Variants in ZFHX2 observed in about 807,000 individuals in gnomAD.
The protein encoded by ZFHX2 is zinc finger homeobox protein 2.
A neutral mutation model predicts 164.8 loss-of-function variants in ZFHX2; 75 were observed. The ratio of observed to expected loss-of-function variants is 0.46; its 90% confidence interval spans 0.38 to 0.55. ZFHX2 has a LOEUF of 0.55. Ranked by LOEUF, ZFHX2 falls within the 20% of genes least tolerant of loss-of-function variation. The pLI is 0.00. For synonymous variants in ZFHX2, 1,217 were observed against 1,351.4 expected (o/e 0.90, Z 2.18); for missense variants, 2,933 against 3,308.0 (o/e 0.89, Z 2.78).
At chr14:23,542,115 A>G (rs1250564093) in intron 1 of ZFHX2, 2 of 152,412 alleles carry the variant, frequency 1.3e-5, no homozygotes, top group Non-Finnish European at 2.9e-5. Context: ...GTGAAGAGGA[A>G]GATGAAGCTA....
Position 23,532,619 on chromosome 14 carries a change from A to G in ZFHX2, c.2507T>C (p.Met836Thr), listed in dbSNP as rs929091430. Reference sequence around the variant, plus strand: ...GGCTGCACCCCTGGCATGCAGCTGCATCTTCTCCTTGCTGTTGGACTCAAA... The same window carrying G: ...GGCTGCACCCCTGGCATGCAGCTGCGTCTTCTCCTTGCTGTTGGACTCAAA... ...CDFESNSKEKMQLHARGAAHE... is the reference protein window; with the variant it reads ...CDFESNSKEKTQLHARGAAHE... The change falls in exon 3 of 10, where the codon ATG (methionine) becomes ACG (threonine). Residue 836 changes from methionine (M) to threonine (T), a missense_variant. By Grantham distance (81) the Met-to-Thr change is moderately conservative (BLOSUM62 -1). Coordinates refer to ENST00000419474, the MANE Select transcript of ZFHX2 (RefSeq NM_033400.3). 3 of 1,460,352 alleles carry G rather than the reference A, an allele frequency of 2.1e-6. No individual in the cohort carries two copies. The highest frequency in any genetic ancestry group is 2.7e-6 in the Non-Finnish European group (3 of 1,108,140). The allele number at this position is 1,460,352 out of a possible 1,614,324, so 90.5% of individuals were successfully genotyped here. A position where few individuals can be genotyped will look rare whatever the true frequency, so the allele number is the denominator to read the frequency against.
At position 23,523,365 on chromosome 14, in the gene ZFHX2, G is replaced by C. The variant is rs1276987196; in HGVS notation, c.6577C>G (p.Pro2193Ala). 1.4e-6 allele frequency: 2 copies of C among 1,476,266 alleles called. No individual in the cohort carries two copies. The highest frequency in any genetic ancestry group is 1.8e-6 in the Non-Finnish European group (2 of 1,115,844). 91.4% of individuals were successfully genotyped at this position (1,476,266 alleles called of 1,614,324 possible). ...KSESKCYDLA[P>A]APEAPPALKA... Reference sequence around the variant, plus strand: ...AGAGCTGGGGGAGCCTCAGGTGCTGGGGCCAAGTCGTAGCACTTGCTTTCA... The same window carrying C: ...AGAGCTGGGGGAGCCTCAGGTGCTGCGGCCAAGTCGTAGCACTTGCTTTCA... The change falls in exon 9 of 10, where the codon CCA (proline) becomes GCA (alanine). Residue 2193 changes from proline to alanine, a missense_variant. By Grantham distance (27) the Pro-to-Ala change is conservative (BLOSUM62 -1). Coordinates refer to ENST00000419474, the MANE Select transcript of ZFHX2 (RefSeq NM_033400.3). This position sits in a 1 kb window ranked among gnomAD's most constrained non-coding sequence, Gnocchi z 4.1.
At position 23,527,594 on chromosome 14, in the gene ZFHX2, C is replaced by T; in HGVS notation, c.3135+10G>A. The stretch of plus-strand genomic sequence containing the variant: ...TCTTGTTGTACCGTCCTCACCCAGC[C>T]TGTACTCACTACAAGCAGCAGCTTC... On this transcript the variant is annotated intron_variant, in intron 7 of 9. Coordinates refer to ENST00000419474, the MANE Select transcript of ZFHX2 (RefSeq NM_033400.3). 3 of 1,536,692 alleles carry T rather than the reference C, an allele frequency of 2.0e-6. No individual in the cohort carries two copies. The highest frequency in any genetic ancestry group is 2.6e-6 in the Non-Finnish European group (3 of 1,146,976).
rs1435002016 is a variant in ZFHX2, at chr14:23,526,405, A to G, written c.3537T>C (p.Phe1179=). ...CAGGGTCGAGAAACTTGTCCAGGGC[A>G]AAGTTGGTGGTTTTCCGATAGGTCA... ...HPLTYRKTTN[F]ALDKFLDPAR... Residue 1179 remains phenylalanine, a synonymous_variant, in exon 9 of 10, where the codon TTT becomes TTC. Coordinates refer to ENST00000419474, the MANE Select transcript of ZFHX2 (RefSeq NM_033400.3). The G allele has an allele frequency of 6.5e-7, 1 of 1,536,294 alleles. No homozygotes were observed. The highest frequency in any genetic ancestry group is 2.0e-5 in the Admixed American group (1 of 50,998).
At position 23,533,621 on chromosome 14, in the gene ZFHX2, A is replaced by G; in HGVS notation, c.1705T>C (p.Trp569Arg). The G allele has an allele frequency of 6.5e-7, 1 of 1,536,874 alleles. No homozygotes were observed. Among genetic ancestry groups the G allele is most frequent in the Non-Finnish European group, 8.7e-7 (1 of 1,147,050 alleles). Residue 569 changes from tryptophan to arginine, a missense_variant, in exon 2 of 10, where the codon TGG becomes CGG. Physicochemically the swap from Trp to Arg is moderately radical, Grantham distance 101 (BLOSUM62 -3). Coordinates refer to ENST00000419474, the MANE Select transcript of ZFHX2 (RefSeq NM_033400.3). The surrounding 1 kb of genome is among the most constrained non-coding windows in gnomAD (Gnocchi z 4.8). ...GDKEPKTKSS[W>R]QCKVCSYETN... ...TCGTAGCTGCACACCTTGCACTGCCAGGATGATTTGGTCTTAGGCTCTTTG... is the reference window on the plus strand; with the variant it reads ...TCGTAGCTGCACACCTTGCACTGCCGGGATGATTTGGTCTTAGGCTCTTTG...
Position 23,523,513 on chromosome 14 carries a change from G to A in ZFHX2, c.6429C>T (p.Ala2143=). The part of the protein sequence containing the change: ...TGGSSEGLLA[A]QRTDCPYCDV... Reference sequence around the variant, plus strand: ...CACAATAGGGGCAGTCAGTGCGCTGGGCTGCTAAGAGGCCCTCACTGCTGC... The same window carrying A: ...CACAATAGGGGCAGTCAGTGCGCTGAGCTGCTAAGAGGCCCTCACTGCTGC... Residue 2143 remains alanine (A), a synonymous_variant, in exon 9 of 10, where the codon GCC becomes GCT. Coordinates refer to ENST00000419474, the MANE Select transcript of ZFHX2 (RefSeq NM_033400.3). The surrounding 1 kb of genome is among the most constrained non-coding windows in gnomAD (Gnocchi z 4.1). 6.5e-7 allele frequency: 1 copy of A among 1,536,410 alleles called. No individual in the cohort carries two copies. Among genetic ancestry groups the A allele is most frequent in the Non-Finnish European group, 8.7e-7 (1 of 1,146,924 alleles).
chr14:23,524,203 C>T lies in ZFHX2; in HGVS notation c.5739G>A (p.Arg1913=), dbSNP rs1396407244. The change falls in exon 9 of 10, where the codon AGG becomes AGA. Residue 1913 remains arginine (R), a synonymous_variant. Transcript: ENST00000419474. This position sits in a 1 kb window ranked among gnomAD's most constrained non-coding sequence, Gnocchi z 5.6. The stretch of plus-strand genomic sequence containing the variant: ...CAGGGGTGCTTCGAAACTGGCCTTT[C>T]CTCTCCCGGGCCCTGGTATTCTGGA... ...VWFQNTRARE[R]KGQFRSTPGG... 6.5e-7 allele frequency: 1 copy of T among 1,536,312 alleles called. No individual in the cohort carries two copies. Among genetic ancestry groups the T allele is most frequent in the African/African-American group, 1.4e-5 (1 of 73,028 alleles).
At position 23,534,432 on chromosome 14, in the gene ZFHX2, AG is replaced by A. The variant is rs1879935511; in HGVS notation, c.893del (p.Ala298ValfsTer15). ...CAAGGGGTATGTCAGAAGAGGGGCG[AG>A]CAGGGAGTTTTGGCTCCAGAAAGCT... ...LISFLEPKLP[A>X]RPSSDIPLDN... On this transcript the variant is annotated frameshift_variant, in exon 2 of 10. Transcript: ENST00000419474. LOFTEE classifies it high-confidence loss of function. This position sits in a 1 kb window ranked among gnomAD's most constrained non-coding sequence, Gnocchi z 4.5. 6.5e-7 allele frequency: 1 copy of A among 1,536,506 alleles called. No homozygotes were observed. Among genetic ancestry groups the A allele is most frequent in the African/African-American group, 1.4e-5 (1 of 73,020 alleles).
Position 23,526,988 on chromosome 14 carries a change from A to G in ZFHX2, c.3136-15T>C. Reference sequence around the variant, plus strand: ...ACAGTTGTAGCCTGCAATGAGAAAAAGCCTAGTGGCTTCACCACCACCCCC... The same window carrying G: ...ACAGTTGTAGCCTGCAATGAGAAAAGGCCTAGTGGCTTCACCACCACCCCC... On this transcript the variant is annotated splice_polypyrimidine_tract_variant and intron_variant, in intron 7 of 9. Coordinates refer to ENST00000419474, the MANE Select transcript of ZFHX2 (RefSeq NM_033400.3). 2 of 1,492,060 alleles carry G rather than the reference A, an allele frequency of 1.3e-6. No individual in the cohort carries two copies. Among genetic ancestry groups the G allele is most frequent in the Non-Finnish European group, 8.9e-7 (1 of 1,126,370 alleles). The allele number at this position is 1,492,060 out of a possible 1,614,324, so 92.4% of individuals were successfully genotyped here. A position where few individuals can be genotyped will look rare whatever the true frequency, so the allele number is the denominator to read the frequency against.
intron 6 of ZFHX2, 98 bp from the exon 7 acceptor site, chr14:23,527,902 T>A: frequency 1.1e-4 from 13 of 114,814 alleles, no homozygotes; most frequent in Non-Finnish European, 1.9e-4. Flanking sequence ...CCCCCACTCC[T>A]TTTTTTTTTT....
Position 23,524,732 on chromosome 14 carries a change from T to G in ZFHX2, c.5210A>C (p.Glu1737Ala). 1 of 1,536,334 alleles carries G rather than the reference T, an allele frequency of 6.5e-7. No individual in the cohort carries two copies. The highest frequency in any genetic ancestry group is 1.4e-5 in the African/African-American group (1 of 73,122). The part of the protein sequence containing the change: ...PPAGPEGPLP[E>A]PPDGEELSQA... ...GCTCAGCTCCTCCCCATCTGGAGGC[T>G]CTGGTAATGGGCCCTCAGGCCCTGC... Residue 1737 changes from glutamate to alanine, a missense_variant, in exon 9 of 10, where the codon GAG becomes GCG. By Grantham distance (107) the Glu-to-Ala change is moderately radical. Transcript: ENST00000419474. This position sits in a 1 kb window ranked among gnomAD's most constrained non-coding sequence, Gnocchi z 5.6.
At chr14:23,539,568 T>TG (rs929014053) in intron 1 of ZFHX2, among the ~76,000 whole-genome samples, 4 of 152,188 alleles carry the variant, frequency 2.6e-5, no homozygotes, top group Non-Finnish European at 5.9e-5. Flanking sequence ...ACAAAGGGCA[T>TG]GGGCAAAGGA....
rs1201950819 is a variant in ZFHX2, at chr14:23,551,584, G to C, written c.-291C>G. ...AAATAATCAATGCTATTTGGCTGCG[G>C]CTGAAGTGTTTCCCCGGCTTCGTGA... On this transcript the variant is annotated 5_prime_UTR_variant, in exon 1 of 10. Coordinates refer to ENST00000419474, the MANE Select transcript of ZFHX2 (RefSeq NM_033400.3). The surrounding 1 kb of genome is among the most constrained non-coding windows in gnomAD (Gnocchi z 5.3). 1 of 153,026 alleles carries C rather than the reference G, an allele frequency of 6.5e-6. No individual in the cohort carries two copies. Among genetic ancestry groups the C allele is most frequent in the African/African-American group, 2.4e-5 (1 of 41,436 alleles). 9.5% of individuals were successfully genotyped at this position (153,026 alleles called of 1,614,324 possible).
rs889421742 is a variant in ZFHX2, at chr14:23,532,968, G to A, written c.2158C>T (p.Arg720Cys). The A allele has an allele frequency of 8.1e-5, 125 of 1,536,102 alleles. No individual in the cohort carries two copies. The highest frequency in any genetic ancestry group is 9.6e-5 in the African/African-American group (7 of 73,030). Residue 720 changes from arginine (R) to cysteine (C), a missense_variant, in exon 3 of 10, where the codon CGC becomes TGC. Coordinates refer to ENST00000419474, the MANE Select transcript of ZFHX2 (RefSeq NM_033400.3). ...CTGAAGGCCTGGCACACTAGGCAGC[G>A]GAACACCTTCAGGGACAGGCTGTCG... Reference protein sequence around the residue: ...PDDSLSLKVFRCLVCQAFSTD... With the variant: ...PDDSLSLKVFCCLVCQAFSTD...
Position 23,533,480 on chromosome 14 carries a change from C to G in ZFHX2, c.1846G>C (p.Gly616Arg), listed in dbSNP as rs1566584970. ...GTAGCCCCTGGTGGGGGAGGAGGGC[C>G]TGGCCCCATCAATCCAGGTGGCAGG... ...LGLPPGLMGP[G>R]PPPPPGATPT... Residue 616 changes from glycine to arginine, a missense_variant, in exon 2 of 10, where the codon GGC (glycine) becomes CGC (arginine). By Grantham distance (125) the Gly-to-Arg change is moderately radical. Coordinates refer to ENST00000419474, the MANE Select transcript of ZFHX2 (RefSeq NM_033400.3). This position sits in a 1 kb window ranked among gnomAD's most constrained non-coding sequence, Gnocchi z 4.8. 4 of 1,535,946 alleles carry G rather than the reference C, an allele frequency of 2.6e-6. No individual in the cohort carries two copies. Among genetic ancestry groups the G allele is most frequent in the Non-Finnish European group, 3.5e-6 (4 of 1,146,810 alleles).
intron 4 of ZFHX2, chr14:23,531,173 C>A (rs1328890258): frequency 7.8e-6 from 2 of 256,210 alleles, no homozygotes; most frequent in Middle Eastern, 1.1e-3. Context: ...CAGCCTGCCA[C>A]CCTCCAGCAT....
At position 23,522,722 on chromosome 14, in the gene ZFHX2, G is replaced by A. The variant is rs772310650; in HGVS notation, c.6959C>T (p.Thr2320Ile). ...CTTGAGGGCATCATTGGAGGAGCTGGTGGGGCCTGCAACTGGCTTTCGCTC... is the reference window on the plus strand; with the variant it reads ...CTTGAGGGCATCATTGGAGGAGCTGATGGGGCCTGCAACTGGCTTTCGCTC... Reference protein sequence around the residue: ...SSERKPVAGPTSSSNDALKNL... With the variant: ...SSERKPVAGPISSSNDALKNL... The change falls in exon 10 of 10, where the codon ACC (threonine) becomes ATC (isoleucine). Residue 2320 changes from threonine to isoleucine, a missense_variant. Transcript: ENST00000419474. The A allele has an allele frequency of 2.7e-5, 41 of 1,536,500 alleles. No individual in the cohort carries two copies. Among genetic ancestry groups the A allele is most frequent in the Admixed American group, 2.0e-5 (1 of 50,990 alleles).
chr14:23,542,635 A>G (rs773128503), intron 1 of ZFHX2, among the ~76,000 whole-genome samples: 1 of 152,172 alleles, frequency 6.6e-6, no homozygotes, highest in African/African-American at 2.4e-5. Context: ...CTTCTTCTGT[A>G]TGAGCACTCA....
rs1881925764 is a variant in ZFHX2 at position 23,551,292 on chromosome 14, G to C, written c.-50+51C>G. On this transcript the variant is annotated intron_variant, in intron 1 of 9. Transcript: ENST00000419474. This position sits in a 1 kb window ranked among gnomAD's most constrained non-coding sequence, Gnocchi z 5.3. Reference sequence around the variant, plus strand: ...AGCAAGGAAGGGAAGAAGAGAGAGAGGGAGAGGAGAAAAAAACCAACCCAG... The same window carrying C: ...AGCAAGGAAGGGAAGAAGAGAGAGACGGAGAGGAGAAAAAAACCAACCCAG... 6.6e-6 allele frequency: 1 copy of C among 152,600 alleles called. No individual in the cohort carries two copies. The highest frequency in any genetic ancestry group is 1.5e-5 in the Non-Finnish European group (1 of 68,040). The allele number at this position is 152,600 out of a possible 1,614,324, so 9.5% of individuals were successfully genotyped here.
Sources: allele counts gnomAD v4.1 joint callset (sites outside exome capture counted in the v4.1 genomes callset), GRCh38; gene constraint gnomAD v4.1.1; non-coding constraint Gnocchi (gnomAD v3.1); transcripts MANE v1.5; gene names NCBI Gene and HGNC (gene_info 2026-07-23, HGNC 2026-07-21).